OLFM3: variants seen among roughly 807,000 people sequenced by gnomAD.
OLFM3 encodes noelin-3.
OLFM3 carries 20 observed loss-of-function variants against 48.6 expected under a neutral mutation model. The ratio of observed to expected loss-of-function variants is 0.41; its 90% confidence interval spans 0.29 to 0.60. The LOEUF (loss-of-function observed/expected upper bound fraction) is 0.60, where lower values mean the gene tolerates loss of function less well. Ranked by LOEUF, OLFM3 falls within the 20% of genes least tolerant of loss-of-function variation. OLFM3 has a pLI of 0.28. For synonymous variants in OLFM3, 222 were observed against 198.1 expected (o/e 1.12, Z -1.01); for missense variants, 437 against 544.3 (o/e 0.80, Z 1.96).
intron 4 of OLFM3, among the ~76,000 whole-genome samples, chr1:101,818,487 A>G (rs1209793169): frequency 1.3e-5 from 2 of 152,120 alleles, no homozygotes; most frequent in Non-Finnish European, 2.9e-5. Context: ...TTTTTGGTAA[A>G]TGACTTATTT....
At chr1:101,810,587 A>G (rs12747374) in intron 4 of OLFM3, among the ~76,000 whole-genome samples, 26,159 of 151,916 alleles carry the variant, frequency 0.17, 2,555 homozygotes, top group African/African-American at 0.23. Flanking sequence ...CTTTTGAAAA[A>G]TCATTTCCAG....
At chr1:101,925,990 C>G (rs1659259913) in intron 1 of OLFM3, among the ~76,000 whole-genome samples, 1 of 152,098 alleles carries the variant, frequency 6.6e-6, no homozygotes, top group Non-Finnish European at 1.5e-5. Flanking sequence ...AGAACTCTGA[C>G]ATGAGTGTCA....
chr1:101,948,769 C>T (rs572097253), intron 1 of OLFM3, among the ~76,000 whole-genome samples: 4 of 151,280 alleles, frequency 2.6e-5, no homozygotes, highest in South Asian at 4.1e-4. Flanking sequence ...ATACTGATTT[C>T]ATATCTCTAG....
intron 1 of OLFM3, among the ~76,000 whole-genome samples, chr1:101,890,296 G>A (rs1657940082): frequency 6.6e-6 from 1 of 151,826 alleles, no homozygotes; most frequent in Non-Finnish European, 1.5e-5. Flanking sequence ...AAAAAAGGAA[G>A]ATAATCTTTG....
chr1:101,850,566 T>G (rs1570561542), intron 1 of OLFM3, among the ~76,000 whole-genome samples: 1 of 152,096 alleles, frequency 6.6e-6, no homozygotes, highest in East Asian at 1.9e-4. Context: ...TTTCCTAGTT[T>G]GGGACTGTAT....
intron 1 of OLFM3, among the ~76,000 whole-genome samples, chr1:101,995,591 G>C (rs1452137156): frequency 6.6e-6 from 1 of 152,070 alleles, no homozygotes; most frequent in African/African-American, 2.4e-5. Context: ...ATGATTCTAA[G>C]TTTTAACTGT....
intron 1 of OLFM3, among the ~76,000 whole-genome samples, chr1:101,873,939 C>G (rs1280436813): frequency 1.3e-5 from 2 of 151,794 alleles, no homozygotes; most frequent in Non-Finnish European, 2.9e-5. Flanking sequence ...AATAATTAAT[C>G]TCCAACTTCA....
At chr1:101,977,041 G>A (rs180904102) in intron 1 of OLFM3, among the ~76,000 whole-genome samples, 5 of 152,120 alleles carry the variant, frequency 3.3e-5, no homozygotes, top group African/African-American at 1.2e-4. Flanking sequence ...ATAAAAATTA[G>A]GTGATAGTAA....
chr1:101,802,793 A>C lies in OLFM3; in HGVS notation c.*1445T>G, dbSNP rs1653552114. 1 of 151,638 alleles carries C rather than the reference A, an allele frequency of 6.6e-6. No homozygotes were observed. The highest frequency in any genetic ancestry group is 2.1e-4 in the South Asian group (1 of 4,834). The allele number at this position is 151,638 out of a possible 1,614,324, so 9.4% of individuals were successfully genotyped here. A position where few individuals can be genotyped will look rare whatever the true frequency, so the allele number is the denominator to read the frequency against. Reference sequence around the variant, plus strand: ...CAATTTGTTTTATTATTTATTATAGAATATACTTTTTAAATTGTAAAACCA... The same window carrying C: ...CAATTTGTTTTATTATTTATTATAGCATATACTTTTTAAATTGTAAAACCA... On this transcript the variant is annotated 3_prime_UTR_variant, in exon 6 of 6. Transcript: ENST00000370103.
chr1:101,905,664 C>G (rs1404199390), intron 1 of OLFM3, among the ~76,000 whole-genome samples: 1 of 151,998 alleles, frequency 6.6e-6, no homozygotes, highest in African/African-American at 2.4e-5. Context: ...AAGGGGAAGG[C>G]GCTTTAAACA....
At chr1:101,849,390 A>G (rs1289671206) in intron 1 of OLFM3, among the ~76,000 whole-genome samples, 6 of 152,228 alleles carry the variant, frequency 3.9e-5, no homozygotes, top group Admixed American at 3.3e-4. Context: ...TTCCACAAGC[A>G]TAGTGTGAAT....
At chr1:101,929,289 C>A (rs1659372018) in intron 1 of OLFM3, among the ~76,000 whole-genome samples, 1 of 152,126 alleles carries the variant, frequency 6.6e-6, no homozygotes, top group African/African-American at 2.4e-5. Flanking sequence ...CTGCTAAGTC[C>A]TTCCAAAAGT....
At position 101,961,297 on chromosome 1, in the gene OLFM3, TAAG is replaced by T. The variant is rs200532296; in HGVS notation, c.69+35448_69+35450del. Among the ~76,000 whole-genome samples the T allele has an allele frequency of 5.7e-3, 871 of 152,154 alleles. 3 individuals carry two copies. The highest frequency in any genetic ancestry group is 9.7e-3 in the Non-Finnish European group (659 of 67,956). On this transcript the variant is annotated intron_variant, in intron 1 of 5. Transcript: ENST00000370103. ...ACATTTAATTTGTAAATGGAAAATT[TAAG>T]TTCAGTAAACAAGATGATCAAAGTC...
At chr1:101,904,815 G>T (rs990833282) in intron 1 of OLFM3, among the ~76,000 whole-genome samples, 5 of 152,038 alleles carry the variant, frequency 3.3e-5, no homozygotes, top group Admixed American at 6.6e-5. Context: ...AAAATGCTGA[G>T]ATGAATTCTC....
intron 4 of OLFM3, among the ~76,000 whole-genome samples, chr1:101,824,797 AT>A (rs1654779518): frequency 1.3e-5 from 2 of 152,190 alleles, no homozygotes; most frequent in Admixed American, 6.5e-5. Flanking sequence ...CAGATTACTT[AT>A]TTGAAGCCAC....
At chr1:101,923,045 T>C (rs909431939) in intron 1 of OLFM3, among the ~76,000 whole-genome samples, 1 of 152,216 alleles carries the variant, frequency 6.6e-6, no homozygotes, top group African/African-American at 2.4e-5. Flanking sequence ...CTGAGTGTTA[T>C]CCAGGCAGTC....
At chr1:101,850,718 C>T (rs1228271564) in intron 1 of OLFM3, among the ~76,000 whole-genome samples, 3 of 152,036 alleles carry the variant, frequency 2.0e-5, no homozygotes, top group Admixed American at 6.6e-5. Context: ...AAAAGTTTGA[C>T]TTTAGGTAAA....
At chr1:101,900,551 C>G (rs78020250) in intron 1 of OLFM3, among the ~76,000 whole-genome samples, 1,535 of 151,944 alleles carry the variant, frequency 0.01, 25 homozygotes, top group African/African-American at 0.034. Flanking sequence ...GAGAGACAAG[C>G]TAATTTAGTG....
intron 1 of OLFM3, among the ~76,000 whole-genome samples, chr1:101,978,876 C>T (rs1212527959): frequency 6.6e-6 from 1 of 151,912 alleles, no homozygotes; most frequent in African/African-American, 2.4e-5. Context: ...ATTTTTCTTC[C>T]TCTATGTTTG....
Sources: gnomAD v4.1 joint callset for allele counts (sites outside exome capture counted in the v4.1 genomes callset) on GRCh38, gnomAD v4.1.1 for gene constraint, MANE v1.5 for transcripts, NCBI Gene and HGNC (gene_info 2026-07-23, HGNC 2026-07-21) for gene names.